The following ANO7 variants were observed in gnomAD, a reference collection of about 807,000 sequenced individuals.
ANO7 encodes the protein anoctamin 7.
Under a neutral mutation model 115.8 loss-of-function variants are expected in ANO7, and 114 were observed. The observed-to-expected ratio is 0.98, with a 90% CI of 0.85 to 1.15. The LOEUF is 1.15. ANO7 is among the 50% of genes most tolerant of loss of function. The pLI, the probability that ANO7 is intolerant of heterozygous loss-of-function variation, is 0.00. For synonymous variants in ANO7, 550 were observed against 498.2 expected (o/e 1.10, Z -1.38); for missense variants, 1,302 against 1,201.2 (o/e 1.08, Z -1.24).
At chr2:241,228,009 G>C (rs2149292309), downstream of ANO7, 1 of 152,342 alleles carries the variant, frequency 6.6e-6, no homozygotes, top group East Asian at 1.9e-4. Context: ...TGAGCAAATG[G>C]GGACTTGCCG....
At chr2:241,223,079 TGA>T in intron 21 of ANO7, 105 bp from the exon 22 acceptor site, 1 of 972,278 alleles carries the variant, frequency 1.0e-6, no homozygotes. Context: ...GAACATGGGA[TGA>T]GAGAGCGAAA....
chr2:241,221,423 G>A (rs962989571), intron 21 of ANO7, among the ~76,000 whole-genome samples: 1 of 152,038 alleles, frequency 6.6e-6, no homozygotes, highest in East Asian at 1.9e-4. Context: ...CTGTCACCCA[G>A]GCTGGAGTAC....
intron 3 of ANO7, among the ~76,000 whole-genome samples, chr2:241,191,997 T>A (rs1419667452): frequency 6.6e-6 from 1 of 152,228 alleles, no homozygotes; most frequent in Non-Finnish European, 1.5e-5. Context: ...TGTCATTCAC[T>A]GTAGCTGGAA....
chr2:241,192,992 T>G (rs2149107086), intron 3 of ANO7, among the ~76,000 whole-genome samples: 1 of 152,248 alleles, frequency 6.6e-6, no homozygotes, highest in South Asian at 2.1e-4. Flanking sequence ...CACAAGAATG[T>G]CAATGTCCTT....
rs777591758 is a variant in ANO7 at position 241,223,781 on chromosome 2, G to C, written c.2532G>C (p.Glu844Asp). ...CTAAGCAGGCACTGGCTGAGAATGA[G>C]GTGAACTGTACAGCCCAGTCTCGGC... ...YLAKQALAEN[E>D]VLFGTNGTKD... Residue 844 changes from glutamate to aspartate, a missense_variant and splice_region_variant, in exon 23 of 25, where the codon GAG becomes GAC. Glu to Asp is a conservative substitution (Grantham distance 45). Transcript: ENST00000674324. 6.2e-7 allele frequency: 1 copy of C among 1,614,212 alleles called. No individual in the cohort carries two copies. Among genetic ancestry groups the C allele is most frequent in the South Asian group, 1.1e-5 (1 of 91,080 alleles).
At chr2:241,237,214 G>T in the ANO7 span, among the ~76,000 whole-genome samples, 1 of 152,178 alleles carries the variant, frequency 6.6e-6, no homozygotes, top group Admixed American at 6.5e-5. Flanking sequence ...CCCAGGAGAG[G>T]CAGTGGGAAG....
intron 19 of ANO7, among the ~76,000 whole-genome samples, chr2:241,216,624 GCCAATGTTC>G (rs890147560): frequency 7.2e-5 from 11 of 152,226 alleles, no homozygotes; most frequent in African/African-American, 2.4e-4. Flanking sequence ...GGCCTGGAGA[GCCAATGTTC>G]CCAGAAATCT....
chr2:241,210,207 C>A (rs1326188889), intron 13 of ANO7, 88 bp from the exon 14 acceptor site: 1 of 1,304,530 alleles, frequency 7.7e-7, no homozygotes, highest in Non-Finnish European at 1.1e-6. Flanking sequence ...CAGCAGTGGA[C>A]TAGAAGAGCT....
At position 241,202,258 on chromosome 2, in the gene ANO7, A is replaced by C; in HGVS notation, c.677A>C (p.Gln226Pro). The change falls in exon 8 of 25, where the codon CAG becomes CCG. Residue 226 changes from glutamine to proline, a missense_variant. Coordinates refer to ENST00000674324, the MANE Select transcript of ANO7 (RefSeq NM_001370694.2). ...HEKKNLLGIHQLLAEGVLSAA... is the reference protein window; with the variant it reads ...HEKKNLLGIHPLLAEGVLSAA... ...AAGAAAAACCTGCTTGGGATCCACCAGCTGCTGGCAGAGGGTGTCCTCAGT... is the reference window on the plus strand; with the variant it reads ...AAGAAAAACCTGCTTGGGATCCACCCGCTGCTGGCAGAGGGTGTCCTCAGT... 6.2e-7 allele frequency: 1 copy of C among 1,613,624 alleles called. No individual in the cohort carries two copies. The highest frequency in any genetic ancestry group is 8.5e-7 in the Non-Finnish European group (1 of 1,179,956).
rs893020651 is a variant in ANO7, at chr2:241,200,399, G to A, written c.554+174G>A. On this transcript the variant is annotated intron_variant, in intron 6 of 24. Transcript: ENST00000674324. ...TGTCTGCATTTCCAAATGCCGCTGC[G>A]TCAGCCGGGCTGGGGCGGTTGTGCT... Among the ~76,000 whole-genome samples the A allele has an allele frequency of 3.3e-5, 5 of 152,250 alleles. No homozygotes were observed. The South Asian group carries it at 1.0e-3, about 31-fold the overall frequency.
Position 241,209,441 on chromosome 2 carries a change from C to T in ANO7, c.1221+13C>T, listed in dbSNP as rs188115395. ...CGAGGACACTGAGGTGAGCCACCCC[C>T]GCTGGACCACGGTCACACCCGGCGA... On this transcript the variant is annotated intron_variant, in intron 12 of 24. Transcript: ENST00000674324. The T allele has an allele frequency of 1.9e-4, 303 of 1,597,588 alleles. No individual in the cohort carries two copies. In the African/African-American group the frequency reaches 2.9e-3, roughly 15 times the overall value.
intron 9 of ANO7, among the ~76,000 whole-genome samples, chr2:241,204,026 AT>A (rs1247898218): frequency 2.6e-5 from 4 of 151,896 alleles, no homozygotes; most frequent in Admixed American, 2.6e-4. Flanking sequence ...GCCCTTTCTC[AT>A]CCGCACACAC....
chr2:241,236,991 G>T, the ANO7 span, among the ~76,000 whole-genome samples: 4 of 144,066 alleles, frequency 2.8e-5, no homozygotes, highest in African/African-American at 7.6e-5. Context: ...GGGGGGGGGG[G>T]GGGCGGCAAT....
At chr2:241,205,382 G>A (rs1184745599) in intron 10 of ANO7, among the ~76,000 whole-genome samples, 2 of 151,548 alleles carry the variant, frequency 1.3e-5, no homozygotes, top group African/African-American at 4.9e-5. Context: ...GTGGACAGGA[G>A]TGCTCCCAGG....
intron 4 of ANO7, among the ~76,000 whole-genome samples, chr2:241,198,481 A>C (rs1295928186): frequency 2.0e-5 from 3 of 152,232 alleles, no homozygotes; most frequent in African/African-American, 7.2e-5. Context: ...AGTTGAGGGC[A>C]GGGGGGACTA....
the ANO7 span, chr2:241,236,288 C>T: frequency 0.025 from 8,734 of 348,882 alleles, 139 homozygotes; most frequent in Non-Finnish European, 0.038. Flanking sequence ...CGGGGGGAGA[C>T]GTTGCAACTG....
intron 15 of ANO7, among the ~76,000 whole-genome samples, chr2:241,210,860 G>T (rs1466285723): frequency 1.2e-4 from 18 of 149,202 alleles, no homozygotes; most frequent in Non-Finnish European, 1.5e-5. Context: ...ATAGAGACAG[G>T]GGTCTCACTG....
At position 241,223,703 on chromosome 2, in the gene ANO7, G is replaced by A. The variant is rs771766776; in HGVS notation, c.2454G>A (p.Val818=). 6.2e-7 allele frequency: 1 copy of A among 1,614,068 alleles called. No individual in the cohort carries two copies. The highest frequency in any genetic ancestry group is 1.1e-5 in the South Asian group (1 of 91,066). Residue 818 remains valine (V), a synonymous_variant, in exon 23 of 25, where the codon GTG becomes GTA. Coordinates refer to ENST00000674324, the MANE Select transcript of ANO7 (RefSeq NM_001370694.2). ...TTGGCCGCCTCCTGGACCTCCTGGT[G>A]CCTGACATCCCAGAGTCTGTGGAGA... ...FSVGRLLDLL[V]PDIPESVEIK...
chr2:241,191,292 C>A, intron 3 of ANO7, 41 bp downstream of exon 3: 1 of 1,610,218 alleles, frequency 6.2e-7, no homozygotes, highest in Non-Finnish European at 8.5e-7. Flanking sequence ...CGTGTTGGTC[C>A]TGAGGGTGGG....
Sources: gnomAD v4.1 joint callset for allele counts (sites outside exome capture counted in the v4.1 genomes callset) on GRCh38, gnomAD v4.1.1 for gene constraint, MANE v1.5 for transcripts, NCBI Gene and HGNC (gene_info 2026-07-23, HGNC 2026-07-21) for gene names.